Variants in CDH13 observed in about 807,000 individuals in gnomAD.
CDH13 encodes cadherin-13.
CDH13 carries 24 observed loss-of-function variants against 63.8 expected under a neutral mutation model. The ratio of observed to expected loss-of-function variants is 0.38; its 90% confidence interval spans 0.27 to 0.53. The LOEUF (loss-of-function observed/expected upper bound fraction) is 0.53. Ranked by LOEUF, CDH13 falls within the 20% of genes least tolerant of loss-of-function variation. The probability of loss-of-function intolerance (pLI) is 0.85; values close to 1 mark genes in which losing one functional copy is unlikely to be tolerated. For synonymous variants in CDH13, 503 were observed against 355.3 expected, an observed-to-expected ratio of 1.42 and a Z score of -4.67; for missense variants, 1,049 against 903.1, an observed-to-expected ratio of 1.16 and a Z score of -2.07.
intron 1 of CDH13, among the ~76,000 whole-genome samples, chr16:82,710,052 C>G (rs984150022): frequency 6.6e-6 from 1 of 150,934 alleles, no homozygotes; most frequent in Non-Finnish European, 1.5e-5. Flanking sequence ...TATGCATACA[C>G]ACACACACAC....
chr16:83,138,243 A>T (rs1163864057), intron 4 of CDH13, among the ~76,000 whole-genome samples: 1 of 152,180 alleles, frequency 6.6e-6, no homozygotes, highest in Non-Finnish European at 1.5e-5. Flanking sequence ...AGAAATATTT[A>T]CTGAGCAACT....
At chr16:83,441,541 A>G (rs919867522) in intron 6 of CDH13, among the ~76,000 whole-genome samples, 3 of 152,206 alleles carry the variant, frequency 2.0e-5, no homozygotes, top group Admixed American at 6.5e-5. Context: ...AACAGTTTTT[A>G]TGATAAATGA....
At chr16:83,201,210 A>G (rs1426431896) in intron 4 of CDH13, among the ~76,000 whole-genome samples, 4 of 152,156 alleles carry the variant, frequency 2.6e-5, no homozygotes, top group African/African-American at 7.2e-5. Context: ...TTATTAAAAA[A>G]TATTTGAGTT....
chr16:83,036,875 G>C (rs1178991231), intron 3 of CDH13, among the ~76,000 whole-genome samples: 1 of 152,148 alleles, frequency 6.6e-6, no homozygotes, highest in Non-Finnish European at 1.5e-5. Context: ...ACAAGCCAGG[G>C]TCCAGCATCC....
At chr16:83,498,894 T>G (rs1173890712) in intron 7 of CDH13, among the ~76,000 whole-genome samples, 1 of 152,208 alleles carries the variant, frequency 6.6e-6, no homozygotes, top group Non-Finnish European at 1.5e-5. Context: ...GCCCAGTGGC[T>G]TCTATAGCTC....
intron 6 of CDH13, among the ~76,000 whole-genome samples, chr16:83,378,555 G>T (rs2091498169): frequency 6.6e-6 from 1 of 152,200 alleles, no homozygotes; most frequent in Non-Finnish European, 1.5e-5. Flanking sequence ...CTGTGAGTCT[G>T]TGTACATGGC....
At chr16:83,575,724 A>G (rs1485603755) in intron 7 of CDH13, among the ~76,000 whole-genome samples, 1 of 152,194 alleles carries the variant, frequency 6.6e-6, no homozygotes, top group Non-Finnish European at 1.5e-5. Context: ...GAGACGGTCA[A>G]GTCCTTCATG....
At chr16:82,720,767 C>T (rs1016579602) in intron 1 of CDH13, among the ~76,000 whole-genome samples, 2 of 152,002 alleles carry the variant, frequency 1.3e-5, no homozygotes, top group Admixed American at 6.6e-5. Flanking sequence ...TTCATGATGG[C>T]CAGGTCTTCC....
intron 1 of CDH13, among the ~76,000 whole-genome samples, chr16:82,751,844 A>T (rs1020477007): frequency 6.6e-6 from 1 of 151,868 alleles, no homozygotes; most frequent in African/African-American, 2.4e-5. Flanking sequence ...TGGTGAGCGG[A>T]TGAGAAATGT....
At chr16:83,440,583 G>A (rs192493334) in intron 6 of CDH13, among the ~76,000 whole-genome samples, 5 of 152,104 alleles carry the variant, frequency 3.3e-5, no homozygotes, top group Admixed American at 1.3e-4. Context: ...TCAGGAGTTC[G>A]AGACCAGCCT....
intron 1 of CDH13, among the ~76,000 whole-genome samples, 196 bp downstream of exon 1, chr16:82,627,333 C>CGTGTGTGTGTGTGT (rs1238497118): frequency 1.5e-5 from 1 of 67,364 alleles, no homozygotes; most frequent in East Asian, 3.0e-4. Flanking sequence ...CCCACTCTGG[C>CGTGTGTGTGTGTGT]GTGCGTGTGT....
chr16:83,659,247 C>T (rs1404958747), intron 8 of CDH13, among the ~76,000 whole-genome samples: 1 of 150,616 alleles, frequency 6.6e-6, no homozygotes, highest in African/African-American at 2.4e-5. Context: ...CATGTCCTCA[C>T]CACCAGGTCC....
At chr16:83,171,653 G>T (rs1195898689) in intron 4 of CDH13, 1 of 1,121,128 alleles carries the variant, frequency 8.9e-7, no homozygotes, top group Admixed American at 2.0e-5. Context: ...GCCATCAGGG[G>T]ATTTAGTGAC....
At chr16:82,812,148 T>A (rs1391618183) in intron 1 of CDH13, among the ~76,000 whole-genome samples, 1 of 152,140 alleles carries the variant, frequency 6.6e-6, no homozygotes, top group Non-Finnish European at 1.5e-5. Flanking sequence ...ACAATCATTG[T>A]GCCAACAGAC....
chr16:83,190,976 G>C (rs1018724470), intron 4 of CDH13, among the ~76,000 whole-genome samples: 3 of 151,864 alleles, frequency 2.0e-5, no homozygotes, highest in Non-Finnish European at 4.4e-5. Flanking sequence ...CTATAGGACA[G>C]GTTTGGGGTG....
chr16:82,949,367 C>G (rs79958725), intron 2 of CDH13, among the ~76,000 whole-genome samples: 65 of 152,220 alleles, frequency 4.3e-4, no homozygotes, highest in African/African-American at 7.9e-4. Context: ...TATATGGACC[C>G]CACGCATACT....
intron 1 of CDH13, among the ~76,000 whole-genome samples, chr16:82,795,037 C>T (rs574850768): frequency 6.6e-6 from 1 of 152,206 alleles, no homozygotes; most frequent in South Asian, 2.1e-4. Context: ...TACCTTCCCT[C>T]CTTTGCCTCA....
At chr16:83,518,201 G>A (rs2074743464) in intron 7 of CDH13, among the ~76,000 whole-genome samples, 1 of 152,160 alleles carries the variant, frequency 6.6e-6, no homozygotes, top group Admixed American at 6.5e-5. Flanking sequence ...CTGGAGTGCA[G>A]TGGCGTGATC....
intron 10 of CDH13, among the ~76,000 whole-genome samples, chr16:83,729,360 T>G (rs1344991047): frequency 6.6e-6 from 1 of 152,138 alleles, no homozygotes; most frequent in Admixed American, 6.5e-5. Context: ...TGTAGAGATA[T>G]AAAGGAAATC....
Sources: gnomAD v4.1 joint callset for allele counts (sites outside exome capture counted in the v4.1 genomes callset) on GRCh38, gnomAD v4.1.1 for gene constraint, MANE v1.5 for transcripts, NCBI Gene and HGNC (gene_info 2026-07-23, HGNC 2026-07-21) for gene names.